SV2B: variants seen among roughly 807,000 people sequenced by gnomAD.
SV2B encodes synaptic vesicle glycoprotein 2B, also known as solute carrier family 22 member B2.
A neutral mutation model predicts 73.9 loss-of-function variants in SV2B; 41 were observed. The ratio of observed to expected loss-of-function variants is 0.56; its 90% confidence interval spans 0.43 to 0.72. The LOEUF is 0.72. Ranked by LOEUF, SV2B falls within the 30% of genes least tolerant of loss-of-function variation. The pLI is 0.00. For synonymous variants in SV2B, 314 were observed against 314.2 expected (o/e 1.00, Z 0.01); for missense variants, 764 against 857.8 (o/e 0.89, Z 1.37).
intron 1 of SV2B, among the ~76,000 whole-genome samples, chr15:91,135,915 G>C (rs542060237): frequency 6.6e-5 from 10 of 152,260 alleles, no homozygotes; most frequent in African/African-American, 2.4e-4. Context: ...ACAAAACACA[G>C]CTCCTAGGAG....
chr15:91,110,139 CCTT>C lies in SV2B; in HGVS notation c.-392+9783_-392+9785del, dbSNP rs1379518512. On this transcript the variant is annotated intron_variant, in intron 1 of 12. Transcript: ENST00000394232. This position sits in a 1 kb window ranked among gnomAD's most constrained non-coding sequence, Gnocchi z 5.4. ...CATTTATCCATTAACGTGTTCTGTT[CCTT>C]CTTCTTAGCAGTGTTCATTTGCATG... Among the ~76,000 whole-genome samples, 4 of 152,258 alleles carry C rather than the reference CCTT, an allele frequency of 2.6e-5. No homozygotes were observed. Among genetic ancestry groups the C allele is most frequent in the African/African-American group, 7.2e-5 (3 of 41,554 alleles).
chr15:91,219,735 A>G (rs1276279148), intron 1 of SV2B, among the ~76,000 whole-genome samples: 1 of 152,186 alleles, frequency 6.6e-6, no homozygotes, highest in Non-Finnish European at 1.5e-5. Context: ...GGACATTCCC[A>G]TCAACACCCT....
rs1207807445 is a variant in SV2B, at chr15:91,232,470, G to C, written c.451+5756G>C. On this transcript the variant is annotated intron_variant, in intron 2 of 12. Transcript: ENST00000394232. This position sits in a 1 kb window ranked among gnomAD's most constrained non-coding sequence, Gnocchi z 4.7. ...CGGCAATGGAGAGCTGTTTAATGGG[G>C]AGCTATGAAATATGCCTTTGAGGAA... Among the ~76,000 whole-genome samples the C allele has an allele frequency of 2.6e-5, 4 of 152,142 alleles. No homozygotes were observed. The highest frequency in any genetic ancestry group is 7.2e-5 in the African/African-American group (3 of 41,430).
In SV2B at chr15:91,214,856, G is replaced by C. The variant is rs2045971969; in HGVS notation, c.-391-11017G>C. Among the ~76,000 whole-genome samples, 4 of 152,164 alleles carry C rather than the reference G, an allele frequency of 2.6e-5. No individual in the cohort carries two copies. The South Asian group carries it at 8.3e-4, about 32-fold the overall frequency. Reference sequence around the variant, plus strand: ...CTCCTCGTTCTTTCTGCTCCTCAATGCTGCCTTCAGGAGCAAGCCTTCTGC... The same window carrying C: ...CTCCTCGTTCTTTCTGCTCCTCAATCCTGCCTTCAGGAGCAAGCCTTCTGC... On this transcript the variant is annotated intron_variant, in intron 1 of 12. Transcript: ENST00000394232. This position sits in a 1 kb window ranked among gnomAD's most constrained non-coding sequence, Gnocchi z 4.7.
At chr15:91,119,185 C>T (rs1191787398) in intron 1 of SV2B, among the ~76,000 whole-genome samples, 1 of 152,150 alleles carries the variant, frequency 6.6e-6, no homozygotes, top group Non-Finnish European at 1.5e-5. Flanking sequence ...AAGCTTTCCC[C>T]AACGGTAGGA....
intron 1 of SV2B, among the ~76,000 whole-genome samples, chr15:91,199,670 A>G (rs1174549983): frequency 2.6e-5 from 4 of 152,198 alleles, no homozygotes; most frequent in Non-Finnish European, 4.4e-5. Flanking sequence ...AGGAGCTGAG[A>G]GGGACCATCA....
chr15:91,256,607 G>C (rs1314640223), intron 4 of SV2B, among the ~76,000 whole-genome samples: 1 of 152,152 alleles, frequency 6.6e-6, no homozygotes, highest in Non-Finnish European at 1.5e-5. Flanking sequence ...CCAGGAGAAA[G>C]GAAAGGCTTT....
intron 1 of SV2B, among the ~76,000 whole-genome samples, chr15:91,198,804 G>A (rs934680170): frequency 6.6e-6 from 1 of 152,110 alleles, no homozygotes; most frequent in African/African-American, 2.4e-5. Flanking sequence ...ACTTGGCCTC[G>A]ACCCAGAGTC....
At chr15:91,169,419 C>T (rs1029033969) in intron 1 of SV2B, among the ~76,000 whole-genome samples, 3 of 147,154 alleles carry the variant, frequency 2.0e-5, no homozygotes, top group Non-Finnish European at 4.4e-5. Flanking sequence ...GAAAGACAGC[C>T]CCCCCATCCC....
At chr15:91,243,310 T>C (rs1301688276) in intron 2 of SV2B, among the ~76,000 whole-genome samples, 1 of 152,170 alleles carries the variant, frequency 6.6e-6, no homozygotes. Flanking sequence ...CCTGGAGTCA[T>C]TCTGGATTGG....
chr15:91,112,164 G>T (rs959257012), intron 1 of SV2B, among the ~76,000 whole-genome samples: 1 of 152,044 alleles, frequency 6.6e-6, no homozygotes, highest in Non-Finnish European at 1.5e-5. Context: ...GGGAGAAGGG[G>T]GATGGGGAGA....
intron 9 of SV2B, among the ~76,000 whole-genome samples, chr15:91,273,627 A>G (rs2048388806): frequency 6.6e-6 from 1 of 152,208 alleles, no homozygotes; most frequent in South Asian, 2.1e-4. Flanking sequence ...TCTGCAAGTA[A>G]CTAGTTCTTT....
At chr15:91,171,702 A>G (rs1270057409) in intron 1 of SV2B, among the ~76,000 whole-genome samples, 2 of 152,228 alleles carry the variant, frequency 1.3e-5, no homozygotes, top group African/African-American at 2.4e-5. Flanking sequence ...TTGATCGGCA[A>G]CAATCGCTTG....
intron 1 of SV2B, among the ~76,000 whole-genome samples, chr15:91,142,219 G>C (rs2043016875): frequency 1.3e-5 from 2 of 152,056 alleles, no homozygotes; most frequent in African/African-American, 4.8e-5. Context: ...TCCCTCCCCT[G>C]TCTCCTCTCT....
At position 91,110,785 on chromosome 15, in the gene SV2B, G is replaced by A. The variant is rs1200695094; in HGVS notation, c.-392+10422G>A. Reference sequence around the variant, plus strand: ...CACCCCTAGCACTATGACAAGTGACGAACACATCCCACACATGCCAGTGTA... The same window carrying A: ...CACCCCTAGCACTATGACAAGTGACAAACACATCCCACACATGCCAGTGTA... On this transcript the variant is annotated intron_variant, in intron 1 of 12. Transcript: ENST00000394232. The surrounding 1 kb of genome is among the most constrained non-coding windows in gnomAD (Gnocchi z 5.4). 1.3e-5 allele frequency among the ~76,000 whole-genome samples: 2 copies of A among 152,194 alleles called. No homozygotes were observed. The highest frequency in any genetic ancestry group is 2.9e-5 in the Non-Finnish European group (2 of 68,040).
chr15:91,225,388 A>G (rs2046339663), intron 1 of SV2B, among the ~76,000 whole-genome samples: 1 of 152,268 alleles, frequency 6.6e-6, no homozygotes, highest in Non-Finnish European at 1.5e-5. Context: ...GCATTTTCGT[A>G]GCAGAAACAG....
chr15:91,103,963 T>C (rs1409802697), intron 1 of SV2B, among the ~76,000 whole-genome samples: 1 of 152,226 alleles, frequency 6.6e-6, no homozygotes, highest in Non-Finnish European at 1.5e-5. Flanking sequence ...GTGGCTTGGC[T>C]GGTGGGTCTT....
intron 9 of SV2B, among the ~76,000 whole-genome samples, chr15:91,272,223 A>G (rs2048339872): frequency 6.6e-6 from 1 of 152,228 alleles, no homozygotes; most frequent in Non-Finnish European, 1.5e-5. Flanking sequence ...AGGCAAAAGA[A>G]TAAGTTCATG....
At chr15:91,221,691 G>GTGCACA (rs544613379) in intron 1 of SV2B, among the ~76,000 whole-genome samples, 9 of 91,154 alleles carry the variant, frequency 9.9e-5, no homozygotes, top group African/African-American at 3.0e-4. Context: ...CCAAGCATGT[G>GTGCACA]CGCACACACA....
Sources: gnomAD v4.1 joint callset for allele counts (sites outside exome capture counted in the v4.1 genomes callset) on GRCh38, gnomAD v4.1.1 for gene constraint, Gnocchi (gnomAD v3.1) non-coding constraint, MANE v1.5 for transcripts, NCBI Gene and HGNC (gene_info 2026-07-23, HGNC 2026-07-21) for gene names.